The following WDTC1 variants were observed in gnomAD, a reference collection of about 807,000 sequenced individuals.
WDTC1 encodes the protein WD and tetratricopeptide repeats 1, also known as WD and tetratricopeptide repeats protein 1.
In WDTC1, 12 loss-of-function variants were observed where a neutral mutation model predicts 76.0. The ratio of observed to expected loss-of-function variants is 0.16; its 90% CI spans 0.10 to 0.26. WDTC1 has a LOEUF of 0.26. Among genes scored for constraint, WDTC1 ranks in the 10% least tolerant of loss-of-function variants. The probability of loss-of-function intolerance (pLI) is 1.00; values close to 1 mark genes in which losing one functional copy is unlikely to be tolerated. For synonymous variants in WDTC1, 326 were observed against 350.8 expected (o/e 0.93, Z 0.79); for missense variants, 511 against 908.8 (o/e 0.56, Z 5.63).
chr1:27,258,535 AAAAAAAG>A (rs1034690911), intron 1 of WDTC1, among the ~76,000 whole-genome samples: 21 of 151,160 alleles, frequency 1.4e-4, no homozygotes, highest in East Asian at 3.9e-4. Flanking sequence ...CTGCCAAAAA[AAAAAAAG>A]AAAAAAAAAG....
intron 1 of WDTC1, among the ~76,000 whole-genome samples, chr1:27,235,427 T>C (rs1049952015): frequency 6.7e-6 from 1 of 149,824 alleles, no homozygotes; most frequent in Admixed American, 6.7e-5. Flanking sequence ...TGTGTGTGTG[T>C]GTGTGTGTGT....
In WDTC1 at chr1:27,301,852, C is replaced by T. The variant is rs754606519; in HGVS notation, c.1468+391C>T. Among the ~76,000 whole-genome samples the T allele has an allele frequency of 2.6e-5, 4 of 152,144 alleles. No individual in the cohort carries two copies. Among genetic ancestry groups the T allele is most frequent in the Non-Finnish European group, 5.9e-5 (4 of 68,038 alleles). On this transcript the variant is annotated intron_variant, in intron 13 of 15. Coordinates refer to ENST00000319394, the MANE Select transcript of WDTC1 (RefSeq NM_001276252.2). This position sits in a 1 kb window ranked among gnomAD's most constrained non-coding sequence, Gnocchi z 5.8. ...GCAGAAGCTGGTCATTGTGTTTGTT[C>T]CGAGTGTACAAGTGCAGCAGAGACA...
intron 6 of WDTC1, among the ~76,000 whole-genome samples, chr1:27,289,075 AG>A (rs2013439709): frequency 9.5e-6 from 1 of 105,424 alleles, no homozygotes; most frequent in Non-Finnish European, 2.0e-5. Context: ...CTGGCCGGGC[AG>A]GGGGCTGACC....
At chr1:27,292,757 C>CTTTT (rs1304057627) in intron 7 of WDTC1, among the ~76,000 whole-genome samples, 6 of 113,460 alleles carry the variant, frequency 5.3e-5, no homozygotes, top group Admixed American at 8.7e-5. Context: ...TATTGTTTTA[C>CTTTT]TTTTTTTTTT....
rs149594820 is a variant in WDTC1 at position 27,287,709 on chromosome 1, G to C, written c.327G>C (p.Thr109=). ...ACGCTGGGGACCGCATCTTGATCAC[G>C]GGGGCAGCCGACTCTAAGGTGCATG... ...LPHAGDRILI[T]GAADSKVHVH... Residue 109 remains threonine (T), a synonymous_variant, in exon 6 of 16, where the codon ACG becomes ACC. Transcript: ENST00000319394. The C allele has an allele frequency of 1.2e-6, 2 of 1,613,908 alleles. No individual in the cohort carries two copies. The highest frequency in any genetic ancestry group is 4.5e-5 in the East Asian group (2 of 44,872).
rs1168513854 is a variant in WDTC1, at chr1:27,294,161, T to C, written c.757+45T>C. 3.8e-6 allele frequency: 6 copies of C among 1,593,894 alleles called. No homozygotes were observed. In the Admixed American group the frequency reaches 1.0e-4, roughly 27 times the overall value. On this transcript the variant is annotated intron_variant, in intron 8 of 15. Coordinates refer to ENST00000319394, the MANE Select transcript of WDTC1 (RefSeq NM_001276252.2). ...TGGCCCCAAACTCTCGGCTAGATGC[T>C]GACTCTTTTGGGGGCAGTCCAGGGA...
chr1:27,301,187 G>A lies in WDTC1; in HGVS notation c.1233-39G>A, dbSNP rs777149064. On this transcript the variant is annotated intron_variant, in intron 12 of 15. Transcript: ENST00000319394. This position sits in a 1 kb window ranked among gnomAD's most constrained non-coding sequence, Gnocchi z 5.8. Reference sequence around the variant, plus strand: ...TGAATGGGGACCCCTTGCTTGCCACGTGGCTCCACCTCCAAGCCGCTCTTC... The same window carrying A: ...TGAATGGGGACCCCTTGCTTGCCACATGGCTCCACCTCCAAGCCGCTCTTC... 1.1e-5 allele frequency: 17 copies of A among 1,596,974 alleles called. No homozygotes were observed. Among genetic ancestry groups the A allele is most frequent in the Middle Eastern group, 3.4e-4 (2 of 5,938 alleles).
intron 1 of WDTC1, among the ~76,000 whole-genome samples, chr1:27,255,195 A>AT (rs2012236286): frequency 6.6e-6 from 1 of 152,114 alleles, no homozygotes; most frequent in Admixed American, 6.6e-5. Context: ...TAAATACCCC[A>AT]TTAACATTTT....
intron 3 of WDTC1, among the ~76,000 whole-genome samples, chr1:27,272,739 C>G (rs1174780217): frequency 6.6e-6 from 1 of 151,954 alleles, no homozygotes; most frequent in Non-Finnish European, 1.5e-5. Context: ...ATAGTGAGAT[C>G]CCTATCTCCA....
rs570508527 is a variant in WDTC1 at position 27,296,965 on chromosome 1, G to A, written c.950-83G>A. ...TCCCACGATGGAACCATCAGACCCC[G>A]TGATGGAAGCTAGAGGGCTGCCAGG... On this transcript the variant is annotated intron_variant, in intron 10 of 15. Coordinates refer to ENST00000319394, the MANE Select transcript of WDTC1 (RefSeq NM_001276252.2). 2.2e-5 allele frequency: 26 copies of A among 1,208,776 alleles called. No individual in the cohort carries two copies. The East Asian group carries it at 4.2e-4, about 20-fold the overall frequency. 74.9% of individuals were successfully genotyped at this position (1,208,776 alleles called of 1,614,324 possible).
In WDTC1 at chr1:27,263,196, C is replaced by G; in HGVS notation, c.93C>G (p.Asp31Glu). The change falls in exon 3 of 16, where the codon GAC (aspartate) becomes GAG (glutamate). Residue 31 changes from aspartate to glutamate, a missense_variant. Asp to Glu is a conservative substitution (Grantham distance 45, BLOSUM62 2). Transcript: ENST00000319394. ...TTGAGCGGCGCTACCATGTCACTGA[C>G]CCCTTTATCCGGCGGCTGGGCCTGG... ...LSFERRYHVT[D>E]PFIRRLGLEA... 1 of 1,613,612 alleles carries G rather than the reference C, an allele frequency of 6.2e-7. No individual in the cohort carries two copies. The highest frequency in any genetic ancestry group is 8.5e-7 in the Non-Finnish European group (1 of 1,179,842).
In WDTC1 at chr1:27,298,119, G is replaced by A. The variant is rs2013739725; in HGVS notation, c.1232+8G>A. 6.3e-7 allele frequency: 1 copy of A among 1,598,108 alleles called. No individual in the cohort carries two copies. The highest frequency in any genetic ancestry group is 8.6e-7 in the Non-Finnish European group (1 of 1,169,580). On this transcript the variant is annotated splice_region_variant and intron_variant, in intron 12 of 15. Coordinates refer to ENST00000319394, the MANE Select transcript of WDTC1 (RefSeq NM_001276252.2). ...CTACATGAAGCGCAAGTGGTGAGTG[G>A]CCACTGCAGAGGGGATCTGGGTCAG...
intron 1 of WDTC1, among the ~76,000 whole-genome samples, chr1:27,243,838 A>G (rs1320418136): frequency 2.0e-5 from 3 of 152,130 alleles, no homozygotes; most frequent in African/African-American, 4.8e-5. Context: ...AGAAGTGTCA[A>G]GTCAGGGTCT....
At chr1:27,280,097 T>C (rs2013147090) in intron 3 of WDTC1, among the ~76,000 whole-genome samples, 1 of 152,214 alleles carries the variant, frequency 6.6e-6, no homozygotes, top group African/African-American at 2.4e-5. Context: ...CTTGTACACA[T>C]AAAATGATAT....
At chr1:27,287,308 C>T (rs1426057629) in intron 5 of WDTC1, among the ~76,000 whole-genome samples, 1 of 152,176 alleles carries the variant, frequency 6.6e-6, no homozygotes, top group East Asian at 1.9e-4. Flanking sequence ...GTCAGACAGA[C>T]TTGGGCTTGA....
intron 9 of WDTC1, among the ~76,000 whole-genome samples, chr1:27,295,047 T>G (rs1233064914): frequency 6.6e-6 from 1 of 152,202 alleles, no homozygotes; most frequent in Non-Finnish European, 1.5e-5. Context: ...CAGAGCAAGC[T>G]GTGGGTTAGT....
intron 1 of WDTC1, among the ~76,000 whole-genome samples, chr1:27,257,296 G>T (rs938918693): frequency 1.3e-5 from 2 of 152,130 alleles, no homozygotes; most frequent in Non-Finnish European, 2.9e-5. Context: ...CCTTTTTCGG[G>T]TGAAGCGTAC....
At chr1:27,245,550 T>G (rs1017625098) in intron 1 of WDTC1, among the ~76,000 whole-genome samples, 2 of 150,372 alleles carry the variant, frequency 1.3e-5, no homozygotes, top group African/African-American at 2.5e-5. Context: ...AAAGAAAGGG[T>G]TTTTTTTGGT....
chr1:27,252,795 C>T (rs1034320736), intron 1 of WDTC1, among the ~76,000 whole-genome samples: 2 of 150,980 alleles, frequency 1.3e-5, no homozygotes, highest in Non-Finnish European at 2.9e-5. Flanking sequence ...GAGACTCCGT[C>T]TCAAAAAAAG....
Sources: allele counts gnomAD v4.1 joint callset (sites outside exome capture counted in the v4.1 genomes callset), GRCh38; gene constraint gnomAD v4.1.1; non-coding constraint Gnocchi (gnomAD v3.1); transcripts MANE v1.5; gene names NCBI Gene and HGNC (gene_info 2026-07-23, HGNC 2026-07-21).